The following IFIH1 variants were observed in gnomAD, a reference collection of about 807,000 sequenced individuals.
IFIH1 encodes the protein interferon-induced helicase C domain-containing protein 1.
Under a neutral mutation model 107.4 loss-of-function variants are expected in IFIH1, and 125 were observed. The ratio of observed to expected loss-of-function variants is 1.16; its 90% CI spans 1.01 to 1.35. IFIH1 has a LOEUF of 1.35. Ranked by LOEUF, IFIH1 falls within the 40% of genes most tolerant of loss-of-function variation. The pLI, the probability that IFIH1 is intolerant of heterozygous loss-of-function variation, is 0.00. For missense variants in IFIH1, 1,333 were observed against 1,213.7 expected (o/e 1.10, Z -1.46); for synonymous variants, 458 against 413.2 (o/e 1.11, Z -1.31).
chr2:162,291,332 T>G (rs1443065672), intron 4 of IFIH1, among the ~76,000 whole-genome samples: 5 of 151,804 alleles, frequency 3.3e-5, no homozygotes, highest in Non-Finnish European at 2.9e-5. Context: ...TTCCTTTACC[T>G]ATGGTATGTA....
At chr2:162,282,882 A>G (rs1429913771) in intron 5 of IFIH1, among the ~76,000 whole-genome samples, 1 of 151,818 alleles carries the variant, frequency 6.6e-6, no homozygotes, top group East Asian at 1.9e-4. Flanking sequence ...TTATTACAAC[A>G]CAATGTAATA....
intron 5 of IFIH1, among the ~76,000 whole-genome samples, chr2:162,285,130 G>C (rs972055751): frequency 6.6e-6 from 1 of 151,942 alleles, no homozygotes; most frequent in Non-Finnish European, 1.5e-5. Flanking sequence ...ATGTGACAGA[G>C]TGCCTGCCAA....
At chr2:162,299,889 G>A (rs935116659) in intron 3 of IFIH1, among the ~76,000 whole-genome samples, 6 of 152,122 alleles carry the variant, frequency 3.9e-5, no homozygotes, top group African/African-American at 1.2e-4. Flanking sequence ...GCTCTCTTGT[G>A]CTTGTGCTTT....
intron 5 of IFIH1, among the ~76,000 whole-genome samples, chr2:162,287,874 T>G (rs2105208498): frequency 6.6e-6 from 1 of 152,068 alleles, no homozygotes; most frequent in African/African-American, 2.4e-5. Flanking sequence ...GAATCAAAAC[T>G]AACTCCCAGG....
intron 7 of IFIH1, among the ~76,000 whole-genome samples, chr2:162,280,532 G>A (rs1186078765): frequency 2.7e-5 from 4 of 150,666 alleles, no homozygotes; most frequent in South Asian, 2.1e-4. Flanking sequence ...CTTGACATCC[G>A]TGGATCATAC....
intron 3 of IFIH1, among the ~76,000 whole-genome samples, chr2:162,305,123 C>T (rs1409550479): frequency 6.6e-6 from 1 of 152,104 alleles, no homozygotes; most frequent in Non-Finnish European, 1.5e-5. Flanking sequence ...AGAAATGACA[C>T]TATATATACA....
intron 1 of IFIH1, among the ~76,000 whole-genome samples, chr2:162,311,174 T>C (rs766526355): frequency 2.0e-5 from 3 of 152,130 alleles, no homozygotes; most frequent in Non-Finnish European, 4.4e-5. Context: ...CTTTTAAATA[T>C]GAACCATTTT....
Position 162,277,575 on chromosome 2 carries a change from A to T in IFIH1, c.1884T>A (p.Thr628=). The T allele has an allele frequency of 6.2e-7, 1 of 1,610,976 alleles. No homozygotes were observed. The highest frequency in any genetic ancestry group is 8.5e-7 in the Non-Finnish European group (1 of 1,177,292). Residue 628 remains threonine (T), a synonymous_variant, in exon 10 of 16, where the codon ACT becomes ACA. Transcript: ENST00000649979. ...RMIDAYTHLE[T]FYNEEKDKKF... ...TCTTATCTTTCTCTTCATTATAGAA[A>T]GTTTCAAGATGAGTATACGCATCTA...
At chr2:162,281,731 T>C (rs566281503) in intron 6 of IFIH1, among the ~76,000 whole-genome samples, 186 bp from the exon 7 acceptor site, 6 of 151,986 alleles carry the variant, frequency 3.9e-5, no homozygotes, top group Non-Finnish European at 8.8e-5. Context: ...GACGTTCGTA[T>C]ATACTAATCA....
At chr2:162,314,590 C>A (rs2105234376) in intron 1 of IFIH1, among the ~76,000 whole-genome samples, 1 of 151,812 alleles carries the variant, frequency 6.6e-6, no homozygotes, top group Admixed American at 6.6e-5. Context: ...CAGGTTCATG[C>A]CATTCTCCTG....
chr2:162,292,893 A>G (rs1182686035), intron 4 of IFIH1, among the ~76,000 whole-genome samples: 1 of 151,680 alleles, frequency 6.6e-6, no homozygotes. Context: ...ACTCAAAGAA[A>G]AGAAAGAAAC....
intron 3 of IFIH1, among the ~76,000 whole-genome samples, chr2:162,300,648 T>C (rs76640583): frequency 1.8e-3 from 272 of 152,326 alleles, no homozygotes; most frequent in African/African-American, 6.1e-3. Flanking sequence ...GCCTCAGTAG[T>C]ACTGCTAGTT....
intron 4 of IFIH1, among the ~76,000 whole-genome samples, chr2:162,290,138 T>C (rs1682970962): frequency 6.6e-6 from 1 of 151,948 alleles, no homozygotes; most frequent in Non-Finnish European, 1.5e-5. Flanking sequence ...GGAAGTTTGT[T>C]AAAATATAGG....
intron 2 of IFIH1, among the ~76,000 whole-genome samples, chr2:162,308,721 G>C (rs1272027177): frequency 6.6e-6 from 1 of 152,134 alleles, no homozygotes; most frequent in Admixed American, 6.5e-5. Context: ...ACTGTCTCCA[G>C]ATAGAGTCAT....
chr2:162,298,143 C>T (rs1683127282), intron 3 of IFIH1, among the ~76,000 whole-genome samples: 1 of 152,122 alleles, frequency 6.6e-6, no homozygotes, highest in Admixed American at 6.6e-5. Flanking sequence ...AAAAAGCTAA[C>T]ATGGCAAGTA....
At chr2:162,306,640 A>G (rs2105226642) in intron 3 of IFIH1, 69 bp downstream of exon 3, 1 of 1,192,010 alleles carries the variant, frequency 8.4e-7, no homozygotes, top group East Asian at 2.4e-5. Context: ...TCTGATTAAT[A>G]GGTTCTGCCC....
rs555341149 is a variant in IFIH1, at chr2:162,304,012, A to G, written c.769+2697T>C. On this transcript the variant is annotated intron_variant, in intron 3 of 15. Transcript: ENST00000649979. ...TAAAACATGAAAACTCCACACTCAGATAGTGAATTTTGGCATTCCTATAGA... is the reference window on the plus strand; with the variant it reads ...TAAAACATGAAAACTCCACACTCAGGTAGTGAATTTTGGCATTCCTATAGA... Among the ~76,000 whole-genome samples the G allele has an allele frequency of 3.9e-5, 6 of 152,310 alleles. No individual in the cohort carries two copies. In the East Asian group the frequency reaches 1.2e-3, roughly 29 times the overall value.
chr2:162,314,241 C>T (rs1683430172), intron 1 of IFIH1, among the ~76,000 whole-genome samples: 1 of 152,054 alleles, frequency 6.6e-6, no homozygotes. Context: ...TACCCCCTTA[C>T]CATTAAGGAT....
In IFIH1 at chr2:162,276,596, C is replaced by G. The variant is rs76054377; in HGVS notation, c.2304+91G>C. On this transcript the variant is annotated intron_variant, in intron 11 of 15. Transcript: ENST00000649979. ...CTTCAGCCTGAGTGACAGAGCGAGGCCTCGTCTGAAAGAAAAGAAGAAGAG... is the reference window on the plus strand; with the variant it reads ...CTTCAGCCTGAGTGACAGAGCGAGGGCTCGTCTGAAAGAAAAGAAGAAGAG... 7.6e-3 allele frequency: 10,616 copies of G among 1,390,164 alleles called. 655 individuals carry two copies. In the African/African-American group the frequency reaches 0.14, roughly 18 times the overall value. The allele number at this position is 1,390,164 out of a possible 1,614,324, so 86.1% of individuals were successfully genotyped here.
Sources: allele counts gnomAD v4.1 joint callset (sites outside exome capture counted in the v4.1 genomes callset), GRCh38; gene constraint gnomAD v4.1.1; transcripts MANE v1.5; gene names NCBI Gene and HGNC (gene_info 2026-07-23, HGNC 2026-07-21).